Variants in POTEC observed in about 807,000 individuals in gnomAD.
POTEC encodes the protein POTE ankyrin domain family member C, also known as ANKRD26-like family B member 2.
POTEC carries 35 observed loss-of-function variants against 62.0 expected under a neutral mutation model. The observed-to-expected ratio is 0.56, with a 90% CI of 0.43 to 0.75. POTEC has a LOEUF of 0.75. Among genes scored for constraint, POTEC ranks in the 30% least tolerant of loss-of-function variants. POTEC has a pLI of 0.00. For missense variants in POTEC, 472 were observed against 655.9 expected, an observed-to-expected ratio of 0.72 and a Z score of 3.06; for synonymous variants, 156 against 221.5, an observed-to-expected ratio of 0.70 and a Z score of 2.62.
At chr18:14,524,617 C>A (rs983639778) in intron 7 of POTEC, among the ~76,000 whole-genome samples, 2 of 151,764 alleles carry the variant, frequency 1.3e-5, no homozygotes, top group Non-Finnish European at 2.9e-5. Context: ...ATCAAAAAGG[C>A]AGATAAGAAT....
rs1030376098 is a variant in POTEC at position 14,543,540 on chromosome 18, G to T, written c.-394C>A. ...ACTAACGCCAAGCCAAGCTAGGAAC[G>T]CAAGGCCAAGCGAGGAACGCAAAGC... On this transcript the variant is annotated 5_prime_UTR_variant, in exon 1 of 11. Coordinates refer to ENST00000358970, the MANE Select transcript of POTEC (RefSeq NM_001137671.2). 6 of 357,196 alleles carry T rather than the reference G, an allele frequency of 1.7e-5. No homozygotes were observed. Among genetic ancestry groups the T allele is most frequent in the Non-Finnish European group, 3.1e-5 (6 of 193,896 alleles). The allele number at this position is 357,196 out of a possible 1,614,324, so 22.1% of individuals were successfully genotyped here.
At chr18:14,537,504 C>A (rs964901175) in intron 3 of POTEC, among the ~76,000 whole-genome samples, 1 of 149,710 alleles carries the variant, frequency 6.7e-6, no homozygotes, top group Non-Finnish European at 1.5e-5. Context: ...ATTTTACATT[C>A]GTTAGGGAAA....
chr18:14,521,550 A>G (rs1296218153), intron 9 of POTEC, among the ~76,000 whole-genome samples: 1 of 152,180 alleles, frequency 6.6e-6, no homozygotes, highest in Non-Finnish European at 1.5e-5. Flanking sequence ...ATAAGTATAT[A>G]TGTGACAAAT....
chr18:14,534,620 A>G (rs947092895), intron 4 of POTEC, among the ~76,000 whole-genome samples: 5 of 151,822 alleles, frequency 3.3e-5, no homozygotes, highest in African/African-American at 1.2e-4. Flanking sequence ...TTCAAACTTC[A>G]TAAAATTAAT....
Position 14,508,529 on chromosome 18 carries a change from C to T in POTEC, c.*3369G>A, listed in dbSNP as rs1452144462. 6.6e-6 allele frequency: 1 copy of T among 152,634 alleles called. No individual in the cohort carries two copies. Among genetic ancestry groups the T allele is most frequent in the East Asian group, 1.9e-4 (1 of 5,200 alleles). 9.5% of individuals were successfully genotyped at this position (152,634 alleles called of 1,614,324 possible). The stretch of plus-strand genomic sequence containing the variant: ...ATCACACACAATCACCATGTGACTA[C>T]ATTATGAAAATTCTTCTAGTGTGAT... On this transcript the variant is annotated 3_prime_UTR_variant, in exon 11 of 11. Coordinates refer to ENST00000358970, the MANE Select transcript of POTEC (RefSeq NM_001137671.2).
intron 6 of POTEC, among the ~76,000 whole-genome samples, chr18:14,529,260 T>C: frequency 6.6e-6 from 1 of 152,230 alleles, no homozygotes; most frequent in South Asian, 2.1e-4. Flanking sequence ...GTCTGTATTT[T>C]TAATTGTGTG....
At chr18:14,514,513 C>T (rs1189327123) in intron 9 of POTEC, among the ~76,000 whole-genome samples, 1 of 152,146 alleles carries the variant, frequency 6.6e-6, no homozygotes, top group South Asian at 2.1e-4. Flanking sequence ...ATTCTTGATT[C>T]CTCTGTAATT....
chr18:14,517,587 C>T (rs868480962), intron 9 of POTEC, among the ~76,000 whole-genome samples: 27 of 151,884 alleles, frequency 1.8e-4, no homozygotes, highest in South Asian at 4.2e-4. Context: ...AGTGGCCAGG[C>T]GCAGTGGCTC....
chr18:14,537,602 C>A (rs1163458518), intron 3 of POTEC, among the ~76,000 whole-genome samples, 199 bp downstream of exon 3: 3 of 151,722 alleles, frequency 2.0e-5, no homozygotes, highest in Admixed American at 1.3e-4. Flanking sequence ...ACCACAAGTG[C>A]ACTGAAAAAA....
Position 14,513,789 on chromosome 18 carries a change from G to C in POTEC, c.1410-4C>G, listed in dbSNP as rs1910078127. Reference sequence around the variant, plus strand: ...CCGGGTATCATTTTGTTCGTCACTAGAAGAAATTTTAATTTTCATGAAATA... The same window carrying C: ...CCGGGTATCATTTTGTTCGTCACTACAAGAAATTTTAATTTTCATGAAATA... On this transcript the variant is annotated splice_polypyrimidine_tract_variant and splice_region_variant and intron_variant, in intron 9 of 10. Transcript: ENST00000358970. 1 of 1,606,312 alleles carries C rather than the reference G, an allele frequency of 6.2e-7. No individual in the cohort carries two copies. Among genetic ancestry groups the C allele is most frequent in the Non-Finnish European group, 8.5e-7 (1 of 1,178,474 alleles).
chr18:14,512,774 T>TACAC (rs55928315), intron 10 of POTEC, among the ~76,000 whole-genome samples: 7 of 150,042 alleles, frequency 4.7e-5, no homozygotes, highest in African/African-American at 7.3e-5. Flanking sequence ...CCATCTAGAA[T>TACAC]ACACACACAC....
chr18:14,523,010 A>AC, intron 8 of POTEC, among the ~76,000 whole-genome samples: 1 of 151,764 alleles, frequency 6.6e-6, no homozygotes, highest in East Asian at 1.9e-4. Flanking sequence ...AAAGTTTGCC[A>AC]CAACACAAGG....
At chr18:14,536,062 G>A (rs1450856836) in intron 3 of POTEC, among the ~76,000 whole-genome samples, 2 of 151,108 alleles carry the variant, frequency 1.3e-5, no homozygotes, top group Non-Finnish European at 2.9e-5. Context: ...GAGCCCAGGA[G>A]TTCAAGATCA....
rs1284670726 is a variant in POTEC at position 14,507,781 on chromosome 18, G to A, written c.*4117C>T. On this transcript the variant is annotated 3_prime_UTR_variant, in exon 11 of 11. Coordinates refer to ENST00000358970, the MANE Select transcript of POTEC (RefSeq NM_001137671.2). ...CTTGTAAGGTAGGTCTGGTGATAAC[G>A]AATTCCCTCAGCATTTGCTTGTCTG... 7.2e-5 allele frequency: 11 copies of A among 152,142 alleles called. No individual in the cohort carries two copies. The highest frequency in any genetic ancestry group is 1.3e-4 in the Admixed American group (2 of 15,280). 9.4% of individuals were successfully genotyped at this position (152,142 alleles called of 1,614,324 possible).
chr18:14,528,704 T>A (rs1910503153), intron 6 of POTEC: 1 of 239,434 alleles, frequency 4.2e-6, no homozygotes, highest in East Asian at 1.4e-4. Flanking sequence ...GTTCCTACTG[T>A]TTTAGCCACT....
At position 14,511,646 on chromosome 18, in the gene POTEC, G is replaced by A. The variant is rs371076401; in HGVS notation, c.*252C>T. The A allele has an allele frequency of 0.07, 39,710 of 566,752 alleles. 1,606 individuals carry two copies. The highest frequency in any genetic ancestry group is 0.1 in the Middle Eastern group (219 of 2,154). The allele number at this position is 566,752 out of a possible 1,614,324, so 35.1% of individuals were successfully genotyped here. A position where few individuals can be genotyped will look rare whatever the true frequency, so the allele number is the denominator to read the frequency against. Reference sequence around the variant, plus strand: ...TTGATCACAATCATGTAGAGCAGTAGTCAGTCTACAATGACATGATTGAAT... The same window carrying A: ...TTGATCACAATCATGTAGAGCAGTAATCAGTCTACAATGACATGATTGAAT... On this transcript the variant is annotated 3_prime_UTR_variant, in exon 11 of 11. Transcript: ENST00000358970.
intron 5 of POTEC, among the ~76,000 whole-genome samples, chr18:14,532,762 G>C (rs1180130845): frequency 6.6e-6 from 1 of 151,910 alleles, no homozygotes; most frequent in East Asian, 1.9e-4. Context: ...AAAAATCAAA[G>C]ATGTGATACT....
chr18:14,526,467 T>A (rs1910440272), intron 6 of POTEC, among the ~76,000 whole-genome samples: 2 of 152,142 alleles, frequency 1.3e-5, no homozygotes, highest in Non-Finnish European at 2.9e-5. Flanking sequence ...ACATACATGC[T>A]AGGTGTTAGG....
rs1909898876 is a variant in POTEC at position 14,508,268 on chromosome 18, ATTCT to A, written c.*3626_*3629del. ...TCGGATGTTTTGTTCATTCCCTTTC[ATTCT>A]TTTTTCCCCCATTCTTGTTTGCCTG... is the stretch of plus-strand genomic sequence containing the variant. On this transcript the variant is annotated 3_prime_UTR_variant, in exon 11 of 11. Transcript: ENST00000358970. 6.6e-6 allele frequency: 1 copy of A among 152,374 alleles called. No individual in the cohort carries two copies. The highest frequency in any genetic ancestry group is 2.4e-5 in the African/African-American group (1 of 41,354). The allele number at this position is 152,374 out of a possible 1,614,324, so 9.4% of individuals were successfully genotyped here. A position where few individuals can be genotyped will look rare whatever the true frequency, so the allele number is the denominator to read the frequency against.
Sources: gnomAD v4.1 joint callset for allele counts (sites outside exome capture counted in the v4.1 genomes callset) on GRCh38, gnomAD v4.1.1 for gene constraint, MANE v1.5 for transcripts, NCBI Gene and HGNC (gene_info 2026-07-23, HGNC 2026-07-21) for gene names.